The following ITGA9 variants were observed in gnomAD, a reference collection of about 807,000 sequenced individuals.
ITGA9 encodes integrin alpha-9.
Under a neutral mutation model 127.8 loss-of-function variants are expected in ITGA9, and 56 were observed. That is an observed-to-expected ratio of 0.44 (90% CI 0.35 to 0.55). ITGA9 has a LOEUF of 0.55. Ranked by LOEUF, ITGA9 falls within the 20% of genes least tolerant of loss-of-function variation. ITGA9 has a pLI of 0.00. For missense variants in ITGA9, 1,196 were observed against 1,347.1 expected (o/e 0.89, Z 1.76); for synonymous variants, 508 against 514.5 (o/e 0.99, Z 0.17).
At chr3:37,791,231 A>G (rs1364033129) in intron 26 of ITGA9, among the ~76,000 whole-genome samples, 1 of 152,230 alleles carries the variant, frequency 6.6e-6, no homozygotes, top group Non-Finnish European at 1.5e-5. Context: ...CTCCCGTCTC[A>G]GTCTGTGTGA....
intron 19 of ITGA9, among the ~76,000 whole-genome samples, chr3:37,734,399 C>T (rs994328740): frequency 5.9e-5 from 9 of 152,288 alleles, no homozygotes; most frequent in African/African-American, 1.9e-4. Flanking sequence ...GGAAAACTTG[C>T]AACAGTTTCC....
intron 26 of ITGA9, among the ~76,000 whole-genome samples, chr3:37,793,545 T>C (rs1262653107): frequency 6.6e-6 from 1 of 151,670 alleles, no homozygotes; most frequent in Non-Finnish European, 1.5e-5. Context: ...CGAACAAGTA[T>C]TGAAGGAATT....
At chr3:37,736,765 G>A (rs1258712051) in intron 19 of ITGA9, 139 bp from the exon 20 acceptor site, 2 of 711,864 alleles carry the variant, frequency 2.8e-6, no homozygotes, top group African/African-American at 1.7e-5. Flanking sequence ...ACTTTGGCCT[G>A]ACAGTCAGAA....
At chr3:37,601,788 G>A (rs1699924961) in intron 15 of ITGA9, among the ~76,000 whole-genome samples, 1 of 152,158 alleles carries the variant, frequency 6.6e-6, no homozygotes, top group African/African-American at 2.4e-5. Flanking sequence ...TTGTGTTGCT[G>A]TAAAGGAGTA....
At chr3:37,771,009 C>T (rs1469512639) in intron 23 of ITGA9, among the ~76,000 whole-genome samples, 3 of 152,222 alleles carry the variant, frequency 2.0e-5, no homozygotes, top group Non-Finnish European at 4.4e-5. Context: ...CTGCATCCTC[C>T]TTTCCTTGTT....
intron 23 of ITGA9, among the ~76,000 whole-genome samples, chr3:37,762,884 A>G (rs570485835): frequency 6.6e-5 from 10 of 152,328 alleles, no homozygotes; most frequent in African/African-American, 2.4e-4. Context: ...CAGAGCCTTC[A>G]CTTCAGCAAG....
chr3:37,719,085 T>C (rs1701163706), intron 18 of ITGA9, among the ~76,000 whole-genome samples: 2 of 152,236 alleles, frequency 1.3e-5, no homozygotes, highest in African/African-American at 2.4e-5. Context: ...TTGGGATTCA[T>C]CTGTGGCAGT....
chr3:37,549,268 T>C (rs1012841561), intron 15 of ITGA9, among the ~76,000 whole-genome samples: 15 of 152,228 alleles, frequency 9.9e-5, no homozygotes, highest in African/African-American at 3.6e-4. Context: ...AATGAAGGGC[T>C]CTTAATCTTC....
intron 18 of ITGA9, among the ~76,000 whole-genome samples, chr3:37,687,321 A>G (rs2125665073): frequency 6.6e-6 from 1 of 152,334 alleles, no homozygotes; most frequent in East Asian, 1.9e-4. Flanking sequence ...AAATTGATTT[A>G]ATGATGCGGA....
At chr3:37,812,969 T>C (rs1697386339) in intron 27 of ITGA9, among the ~76,000 whole-genome samples, 1 of 152,238 alleles carries the variant, frequency 6.6e-6, no homozygotes, top group Admixed American at 6.5e-5. Flanking sequence ...CCAGTGTTTC[T>C]CAAAGCTCTC....
intron 27 of ITGA9, 106 bp from the exon 28 acceptor site, chr3:37,818,785 C>T: frequency 1.2e-6 from 1 of 808,470 alleles, no homozygotes; most frequent in Non-Finnish European, 2.2e-6. Flanking sequence ...GCCTCCCCAG[C>T]CCTGTGAGTG....
At chr3:37,456,426 G>T (rs1034345683) in intron 1 of ITGA9, among the ~76,000 whole-genome samples, 1 of 152,104 alleles carries the variant, frequency 6.6e-6, no homozygotes, top group African/African-American at 2.4e-5. Context: ...GACATGGACC[G>T]GTTACTCAGC....
At chr3:37,793,840 C>T (rs1697142207) in intron 26 of ITGA9, among the ~76,000 whole-genome samples, 1 of 152,212 alleles carries the variant, frequency 6.6e-6, no homozygotes, top group Non-Finnish European at 1.5e-5. Flanking sequence ...ATCTGCCAGT[C>T]ATTGGTTGGG....
At chr3:37,550,191 A>G (rs1021568694) in intron 15 of ITGA9, among the ~76,000 whole-genome samples, 2 of 152,198 alleles carry the variant, frequency 1.3e-5, no homozygotes, top group Non-Finnish European at 2.9e-5. Context: ...GGTTTAAACC[A>G]CTACATTGTA....
At chr3:37,748,405 T>C (rs1473597717) in intron 22 of ITGA9, 2 of 596,822 alleles carry the variant, frequency 3.4e-6, no homozygotes, top group Non-Finnish European at 6.3e-6. Context: ...CATTAAGCAC[T>C]CTAAGAGCCA....
chr3:37,730,289 G>T (rs755410210), intron 18 of ITGA9, among the ~76,000 whole-genome samples: 2 of 152,294 alleles, frequency 1.3e-5, no homozygotes, highest in Non-Finnish European at 2.9e-5. Context: ...CAAGACTTTG[G>T]CTTGCTGCCT....
chr3:37,556,294 T>C (rs2555242), intron 15 of ITGA9, among the ~76,000 whole-genome samples: 115,792 of 152,192 alleles, frequency 0.76, 46,111 homozygotes, highest in Non-Finnish European at 0.87. Context: ...GGCCCCTTTT[T>C]CCTTCTGCTC....
intron 27 of ITGA9, among the ~76,000 whole-genome samples, chr3:37,804,568 A>G (rs1350733412): frequency 2.0e-5 from 3 of 152,172 alleles, no homozygotes; most frequent in African/African-American, 7.2e-5. Context: ...CTTTTCCTTC[A>G]GAGCCTCTCT....
intron 18 of ITGA9, among the ~76,000 whole-genome samples, chr3:37,722,847 G>A (rs1024766936): frequency 9.2e-5 from 14 of 152,204 alleles, no homozygotes; most frequent in African/African-American, 3.4e-4. Flanking sequence ...GAGTGGGATT[G>A]CTGGGTTACA....
Sources: gnomAD v4.1 joint callset for allele counts (sites outside exome capture counted in the v4.1 genomes callset) on GRCh38, gnomAD v4.1.1 for gene constraint, MANE v1.5 for transcripts, NCBI Gene and HGNC (gene_info 2026-07-23, HGNC 2026-07-21) for gene names.